The following NFASC variants were observed in gnomAD, a reference collection of about 807,000 sequenced individuals.
The protein encoded by NFASC is neurofascin homolog.
Under a neutral mutation model 147.5 loss-of-function variants are expected in NFASC, and 43 were observed. The observed-to-expected ratio is 0.29, with a 90% CI of 0.23 to 0.38. NFASC has a LOEUF of 0.38. Ranked by LOEUF, NFASC falls within the 10% of genes least tolerant of loss-of-function variation. NFASC has a pLI of 1.00. For synonymous variants in NFASC, 622 were observed against 665.5 expected (o/e 0.93, Z 1.01); for missense variants, 1,320 against 1,689.0 (o/e 0.78, Z 3.83).
At chr1:204,935,473 G>A (rs2092740699) in intron 2 of NFASC, among the ~76,000 whole-genome samples, 1 of 152,218 alleles carries the variant, frequency 6.6e-6, no homozygotes, top group African/African-American at 2.4e-5. Context: ...GGCATCTTAT[G>A]TGATTGGTTT....
chr1:204,891,469 C>T (rs1040655684), intron 1 of NFASC, among the ~76,000 whole-genome samples: 1 of 152,148 alleles, frequency 6.6e-6, no homozygotes, highest in Admixed American at 6.5e-5. Flanking sequence ...TTATCTCACC[C>T]CTCATTGTCA....
At chr1:205,008,443 G>A (rs1422199431) in intron 27 of NFASC, 1 of 152,724 alleles carries the variant, frequency 6.5e-6, no homozygotes, top group Non-Finnish European at 1.5e-5. Context: ...TCTCTGGGCT[G>A]GCTGGTTCCA....
chr1:204,872,748 T>C (rs987146893), intron 1 of NFASC, among the ~76,000 whole-genome samples: 1 of 152,112 alleles, frequency 6.6e-6, no homozygotes, highest in Non-Finnish European at 1.5e-5. Context: ...CAGGAGGAAT[T>C]GGTGAGATGG....
At chr1:204,905,782 A>C (rs1035996280) in intron 1 of NFASC, among the ~76,000 whole-genome samples, 1 of 152,176 alleles carries the variant, frequency 6.6e-6, no homozygotes, top group African/African-American at 2.4e-5. Flanking sequence ...TCTCATGGGT[A>C]TATATCTAGG....
At chr1:204,863,433 T>C (rs1319300295) in intron 1 of NFASC, among the ~76,000 whole-genome samples, 2 of 152,248 alleles carry the variant, frequency 1.3e-5, no homozygotes, top group African/African-American at 4.8e-5. Context: ...GTTGTCTATA[T>C]AATAGAAAAC....
At chr1:204,970,870 G>T in intron 11 of NFASC, 123 bp downstream of exon 11, 1 of 1,249,770 alleles carries the variant, frequency 8.0e-7, no homozygotes, top group Non-Finnish European at 1.1e-6. Flanking sequence ...CCCACTGGTG[G>T]CTGTTTCTCA....
At chr1:204,970,890 C>G (rs2095224165) in intron 11 of NFASC, 143 bp downstream of exon 11, 8 of 999,534 alleles carry the variant, frequency 8.0e-6, no homozygotes, top group Non-Finnish European at 1.1e-5. Flanking sequence ...AGCTGCCCAT[C>G]TCTTCAGACA....
At chr1:204,858,712 G>T (rs1157915028) in intron 1 of NFASC, among the ~76,000 whole-genome samples, 1 of 152,042 alleles carries the variant, frequency 6.6e-6, no homozygotes, top group African/African-American at 2.4e-5. Context: ...TTCCTTGACT[G>T]TCTCAGGAGG....
intron 27 of NFASC, among the ~76,000 whole-genome samples, chr1:205,005,138 T>C (rs972016426): frequency 2.0e-5 from 3 of 152,210 alleles, no homozygotes; most frequent in Admixed American, 6.5e-5. Context: ...AGCATCTCTT[T>C]GGTGGGCCAG....
At chr1:204,833,566 T>G (rs2102374280) in intron 1 of NFASC, among the ~76,000 whole-genome samples, 1 of 152,238 alleles carries the variant, frequency 6.6e-6, no homozygotes, top group South Asian at 2.1e-4. Context: ...AGAAGGCATT[T>G]TTGAATGCCT....
At chr1:204,928,703 C>T (rs1374495249) in intron 2 of NFASC, among the ~76,000 whole-genome samples, 1 of 152,168 alleles carries the variant, frequency 6.6e-6, no homozygotes, top group Non-Finnish European at 1.5e-5. Flanking sequence ...GGAGTTACAA[C>T]AAAGAACACA....
At chr1:205,008,182 G>A (rs1323660248) in intron 27 of NFASC, among the ~76,000 whole-genome samples, 1 of 152,174 alleles carries the variant, frequency 6.6e-6, no homozygotes, top group Non-Finnish European at 1.5e-5. Context: ...ACCCCGTACT[G>A]GGAACTTTCT....
chr1:204,889,967 C>A (rs2082065188), intron 1 of NFASC, among the ~76,000 whole-genome samples: 1 of 152,192 alleles, frequency 6.6e-6, no homozygotes, highest in Non-Finnish European at 1.5e-5. Flanking sequence ...TCCTGCTGTT[C>A]TGTGTGTAAA....
At chr1:204,907,306 A>T (rs2086216711) in intron 1 of NFASC, among the ~76,000 whole-genome samples, 1 of 150,292 alleles carries the variant, frequency 6.7e-6, no homozygotes, top group Admixed American at 6.6e-5. Context: ...ATTTTTTATT[A>T]GGTTGTTTGT....
chr1:204,964,366 A>G (rs138249095), intron 8 of NFASC, among the ~76,000 whole-genome samples: 55 of 152,380 alleles, frequency 3.6e-4, no homozygotes, highest in South Asian at 1.7e-3. Context: ...TAGTTCTTCT[A>G]TGCTTCTGAA....
chr1:204,994,259 G>A (rs1028865820), intron 24 of NFASC, among the ~76,000 whole-genome samples: 7 of 152,328 alleles, frequency 4.6e-5, no homozygotes, highest in African/African-American at 1.7e-4. Context: ...AGAGAAAAAT[G>A]CTTCCTTTCT....
chr1:204,954,054 T>A lies in NFASC; in HGVS notation c.216-134T>A. 2 of 722,566 alleles carry A rather than the reference T, an allele frequency of 2.8e-6. No homozygotes were observed. Among genetic ancestry groups the A allele is most frequent in the Non-Finnish European group, 4.7e-6 (2 of 423,096 alleles). 44.8% of individuals were successfully genotyped at this position (722,566 alleles called of 1,614,324 possible). On this transcript the variant is annotated intron_variant, in intron 5 of 29. Coordinates refer to ENST00000339876, the MANE Select transcript of NFASC (RefSeq NM_001005388.3). This position sits in a 1 kb window ranked among gnomAD's most constrained non-coding sequence, Gnocchi z 5.7. ...TTCTGCTCAGCCAGGCTGAGACCTG[T>A]TGGTATGGGGTGCCACGATGGGACT...
chr1:204,952,285 G>T (rs1440978079), intron 5 of NFASC, among the ~76,000 whole-genome samples, 169 bp downstream of exon 5: 1 of 152,196 alleles, frequency 6.6e-6, no homozygotes, highest in Non-Finnish European at 1.5e-5. Flanking sequence ...AATTTTGCCG[G>T]TAAGCAAACT....
Position 204,987,270 on chromosome 1 carries a change from C to T in NFASC, c.2471-148C>T, listed in dbSNP as rs2095634787. ...GGGGCAATGGGCTCCGGTCGTCTCA[C>T]GGTTCTCCCAGGCTTCAGTTTAGCA... On this transcript the variant is annotated intron_variant, in intron 21 of 29. Coordinates refer to ENST00000339876, the MANE Select transcript of NFASC (RefSeq NM_001005388.3). The surrounding 1 kb of genome is among the most constrained non-coding windows in gnomAD (Gnocchi z 4.4). 5.5e-6 allele frequency: 4 copies of T among 727,320 alleles called. No individual in the cohort carries two copies. The highest frequency in any genetic ancestry group is 1.9e-5 in the South Asian group (1 of 53,822). The allele number at this position is 727,320 out of a possible 1,614,324, so 45.1% of individuals were successfully genotyped here. A position where few individuals can be genotyped will look rare whatever the true frequency, so the allele number is the denominator to read the frequency against.
Sources: gnomAD v4.1 joint callset for allele counts (sites outside exome capture counted in the v4.1 genomes callset) on GRCh38, gnomAD v4.1.1 for gene constraint, Gnocchi (gnomAD v3.1) non-coding constraint, MANE v1.5 for transcripts, NCBI Gene and HGNC (gene_info 2026-07-23, HGNC 2026-07-21) for gene names.